Variants in SLC44A5 observed in about 807,000 individuals in gnomAD.
SLC44A5 encodes solute carrier family 44 member 5.
A neutral mutation model predicts 101.8 loss-of-function variants in SLC44A5; 57 were observed. That is an observed-to-expected ratio of 0.56 (90% CI 0.45 to 0.70). SLC44A5 has a LOEUF of 0.70. Ranked by LOEUF, SLC44A5 falls within the 30% of genes least tolerant of loss-of-function variation. The pLI is 0.00. For synonymous variants in SLC44A5, 281 were observed against 290.9 expected, an observed-to-expected ratio of 0.97 and a Z score of 0.35; for missense variants, 737 against 853.1, an observed-to-expected ratio of 0.86 and a Z score of 1.70.
intron 2 of SLC44A5, among the ~76,000 whole-genome samples, chr1:75,487,704 A>G (rs1035262965): frequency 6.6e-6 from 1 of 152,092 alleles, no homozygotes; most frequent in African/African-American, 2.4e-5. Flanking sequence ...TCATTAGGGG[A>G]TTCCATCATT....
intron 2 of SLC44A5, among the ~76,000 whole-genome samples, chr1:75,426,155 G>T (rs1207065088): frequency 6.6e-6 from 1 of 152,206 alleles, no homozygotes; most frequent in South Asian, 2.1e-4. Flanking sequence ...AGAAATAGTT[G>T]ATTAAGATAG....
intron 5 of SLC44A5, among the ~76,000 whole-genome samples, chr1:75,284,458 A>G (rs1246515895): frequency 6.6e-6 from 1 of 152,080 alleles, no homozygotes; most frequent in African/African-American, 2.4e-5. Context: ...TTGGTGAACA[A>G]TGACAGTTTG....
chr1:75,387,272 C>G (rs1199492229), intron 3 of SLC44A5, among the ~76,000 whole-genome samples: 2 of 151,020 alleles, frequency 1.3e-5, no homozygotes, highest in African/African-American at 4.9e-5. Flanking sequence ...AGTGAACAGG[C>G]AACCTACAAA....
intron 2 of SLC44A5, among the ~76,000 whole-genome samples, chr1:75,469,007 T>C (rs1420415451): frequency 6.6e-6 from 1 of 152,212 alleles, no homozygotes; most frequent in Non-Finnish European, 1.5e-5. Flanking sequence ...ATATATTGCA[T>C]GCCAGGTATG....
rs771805728 is a variant in SLC44A5, at chr1:75,215,784, T to G, written c.1698A>C (p.Ile566=). ...TATAGGCATTTCTGTTTAAAAACTT[T>G]ATTGCATTTTCCAAACACCAGAAGC... The part of the protein sequence containing the change: ...RCCFWCLENA[I]KFLNRNAYIM... Residue 566 remains isoleucine (I), a synonymous_variant, in exon 19 of 24, where the codon ATA becomes ATC. Transcript: ENST00000370859. 1.2e-6 allele frequency: 2 copies of G among 1,607,030 alleles called. No homozygotes were observed. Among genetic ancestry groups the G allele is most frequent in the Admixed American group, 3.3e-5 (2 of 59,822 alleles).
intron 5 of SLC44A5, among the ~76,000 whole-genome samples, chr1:75,294,200 C>T (rs1306534419): frequency 6.6e-6 from 1 of 152,120 alleles, no homozygotes; most frequent in African/African-American, 2.4e-5. Flanking sequence ...AATGTAATTT[C>T]CAGTTATACT....
At chr1:75,308,327 C>T (rs111716148) in intron 4 of SLC44A5, among the ~76,000 whole-genome samples, 116 of 151,892 alleles carry the variant, frequency 7.6e-4, no homozygotes, top group Admixed American at 5.9e-4. Context: ...TTTCCATTGC[C>T]TTGAGAGAAT....
At chr1:75,399,034 C>G (rs1249780) in intron 2 of SLC44A5, among the ~76,000 whole-genome samples, 5 of 151,542 alleles carry the variant, frequency 3.3e-5, no homozygotes, top group Admixed American at 6.6e-5. Context: ...TACCACACTT[C>G]ATTCCCTTTT....
chr1:75,306,661 G>C (rs1236797582), intron 4 of SLC44A5, among the ~76,000 whole-genome samples: 1 of 150,036 alleles, frequency 6.7e-6, no homozygotes, highest in African/African-American at 2.5e-5. Context: ...TCCAACAACT[G>C]TCATTTTGCT....
At position 75,219,982 on chromosome 1, in the gene SLC44A5, C is replaced by T. The variant is rs1221502530; in HGVS notation, c.1086-90G>A. The T allele has an allele frequency of 2.1e-5, 15 of 698,254 alleles. No individual in the cohort carries two copies. The South Asian group carries it at 2.2e-4, about 10-fold the overall frequency. The allele number at this position is 698,254 out of a possible 1,614,324, so 43.3% of individuals were successfully genotyped here. On this transcript the variant is annotated intron_variant, in intron 14 of 23. Transcript: ENST00000370859. ...ATTCTAAGAAAACTGGTAATAACCA[C>T]GGACTCTTTTTTGGTGATCATTCTG...
intron 23 of SLC44A5, among the ~76,000 whole-genome samples, chr1:75,210,297 A>G (rs1389578776): frequency 6.6e-6 from 1 of 152,034 alleles, no homozygotes; most frequent in Non-Finnish European, 1.5e-5. Context: ...GGCTTCAAGC[A>G]GTTCTCCCCA....
intron 19 of SLC44A5, among the ~76,000 whole-genome samples, chr1:75,214,880 G>A (rs688539): frequency 0.79 from 119,618 of 152,124 alleles, 47,228 homozygotes; most frequent in East Asian, 0.98. Context: ...AGTCAGGTGT[G>A]CTTCCGATAC....
intron 2 of SLC44A5, among the ~76,000 whole-genome samples, chr1:75,427,082 T>C (rs1291685110): frequency 1.3e-5 from 2 of 152,194 alleles, no homozygotes; most frequent in Admixed American, 1.3e-4. Flanking sequence ...ATTTGCTGCT[T>C]AAGACAACCA....
intron 4 of SLC44A5, 51 bp downstream of exon 4, chr1:75,339,531 G>A: frequency 6.7e-7 from 1 of 1,483,948 alleles, no homozygotes; most frequent in Non-Finnish European, 9.3e-7. Context: ...ATCCCCCAAA[G>A]CTTTCTGTGT....
At chr1:75,622,714 C>A in the SLC44A5 span, among the ~76,000 whole-genome samples, 1 of 152,030 alleles carries the variant, frequency 6.6e-6, no homozygotes, top group South Asian at 2.1e-4. Flanking sequence ...CTGAAAAATA[C>A]ATAAACAACT....
intron 3 of SLC44A5, among the ~76,000 whole-genome samples, chr1:75,358,971 A>G (rs1242093269): frequency 6.6e-6 from 1 of 151,874 alleles, no homozygotes; most frequent in East Asian, 1.9e-4. Flanking sequence ...ACTGACCAAC[A>G]ATTTCCCATT....
intron 1 of SLC44A5, among the ~76,000 whole-genome samples, chr1:75,593,569 A>T (rs563051907): frequency 6.6e-6 from 1 of 152,300 alleles, no homozygotes; most frequent in Admixed American, 6.5e-5. Flanking sequence ...ACAATAGCTA[A>T]GATTTGGAAG....
chr1:75,444,728 T>A (rs761532213), intron 2 of SLC44A5, among the ~76,000 whole-genome samples: 1 of 152,052 alleles, frequency 6.6e-6, no homozygotes, highest in Middle Eastern at 3.4e-3. Flanking sequence ...TCAGATCCCA[T>A]GCATAAGGGG....
chr1:75,572,420 CCT>C (rs1185439170), intron 1 of SLC44A5, among the ~76,000 whole-genome samples: 1 of 152,104 alleles, frequency 6.6e-6, no homozygotes, highest in African/African-American at 2.4e-5. Flanking sequence ...AATATTCTCC[CCT>C]GAGTGGCAGA....
Sources: gnomAD v4.1 joint callset for allele counts (sites outside exome capture counted in the v4.1 genomes callset) on GRCh38, gnomAD v4.1.1 for gene constraint, MANE v1.5 for transcripts, NCBI Gene and HGNC (gene_info 2026-07-23, HGNC 2026-07-21) for gene names.